Variants in PTPRT observed in about 807,000 individuals in gnomAD.
PTPRT encodes receptor-type tyrosine-protein phosphatase T.
PTPRT carries 56 observed loss-of-function variants against 176.8 expected under a neutral mutation model. That is an observed-to-expected ratio of 0.32 (90% CI 0.26 to 0.40). PTPRT has a LOEUF of 0.40. Ranked by LOEUF, PTPRT falls within the 10% of genes least tolerant of loss-of-function variation. PTPRT has a pLI of 1.00. For synonymous variants in PTPRT, 783 were observed against 739.0 expected (o/e 1.06, Z -0.96); for missense variants, 1,540 against 1,908.2 (o/e 0.81, Z 3.60).
chr20:42,773,401 A>G (rs1430186213), intron 4 of PTPRT, among the ~76,000 whole-genome samples: 2 of 152,080 alleles, frequency 1.3e-5, no homozygotes, highest in African/African-American at 4.8e-5. Flanking sequence ...AGGACTTTAC[A>G]CGTCATATCT....
intron 7 of PTPRT, among the ~76,000 whole-genome samples, chr20:42,614,096 G>T (rs2074021905): frequency 2.6e-5 from 4 of 152,116 alleles, no homozygotes; most frequent in African/African-American, 7.2e-5. Context: ...GGCTGTGAAA[G>T]AATCTGTTCC....
chr20:42,566,625 G>C (rs948692612), intron 7 of PTPRT, among the ~76,000 whole-genome samples: 1 of 152,172 alleles, frequency 6.6e-6, no homozygotes, highest in African/African-American at 2.4e-5. Context: ...AAATGAGCAG[G>C]ACAAACTTGG....
chr20:42,673,138 C>A (rs1851140456), intron 7 of PTPRT, among the ~76,000 whole-genome samples: 1 of 152,136 alleles, frequency 6.6e-6, no homozygotes, highest in South Asian at 2.1e-4. Flanking sequence ...TCCATCAAGT[C>A]CTGTGGTGAA....
At chr20:42,952,973 A>AGCAAAGG (rs1600588744) in intron 1 of PTPRT, among the ~76,000 whole-genome samples, 3 of 152,370 alleles carry the variant, frequency 2.0e-5, no homozygotes, top group East Asian at 3.9e-4. Flanking sequence ...TTGTAGACAC[A>AGCAAAGG]GATCTGAACG....
chr20:43,034,873 T>C (rs1986310483), intron 1 of PTPRT, among the ~76,000 whole-genome samples: 1 of 151,984 alleles, frequency 6.6e-6, no homozygotes. Context: ...GGGGTCCCTG[T>C]CTGTCCCCAC....
chr20:43,004,509 C>A (rs1474061801), intron 1 of PTPRT, among the ~76,000 whole-genome samples: 4 of 152,128 alleles, frequency 2.6e-5, no homozygotes, highest in Admixed American at 2.6e-4. Context: ...AAATTAATAT[C>A]CTGAGTCAAC....
At chr20:42,778,954 T>C (rs115395932) in intron 4 of PTPRT, among the ~76,000 whole-genome samples, 1 of 152,104 alleles carries the variant, frequency 6.6e-6, no homozygotes, top group Non-Finnish European at 1.5e-5. Context: ...AAGAGCCCAG[T>C]AGCATCTCAG....
chr20:42,757,486 T>C (rs926735285), intron 5 of PTPRT, among the ~76,000 whole-genome samples: 1 of 152,164 alleles, frequency 6.6e-6, no homozygotes, highest in Admixed American at 6.5e-5. Flanking sequence ...CATGCTCTTT[T>C]CTCTGCCTGG....
intron 24 of PTPRT, among the ~76,000 whole-genome samples, chr20:42,106,202 C>T (rs372567487): frequency 6.6e-6 from 1 of 152,182 alleles, no homozygotes; most frequent in Non-Finnish European, 1.5e-5. Context: ...CTGCCTGGCT[C>T]ACAGTAGGTA....
intron 5 of PTPRT, among the ~76,000 whole-genome samples, chr20:42,770,890 T>A (rs2077052704): frequency 6.6e-6 from 1 of 152,164 alleles, no homozygotes; most frequent in Non-Finnish European, 1.5e-5. Flanking sequence ...TATAAAATGG[T>A]TATACCAATG....
intron 4 of PTPRT, among the ~76,000 whole-genome samples, chr20:42,777,628 G>A (rs974727459): frequency 3.3e-5 from 5 of 152,212 alleles, no homozygotes; most frequent in East Asian, 1.9e-4. Flanking sequence ...TACAAGGACC[G>A]AACCTTTCTT....
At chr20:42,651,046 C>A (rs62203853) in intron 7 of PTPRT, among the ~76,000 whole-genome samples, 25,498 of 151,648 alleles carry the variant, frequency 0.17, 2,471 homozygotes, top group East Asian at 0.3. Flanking sequence ...AATAAAGTAG[C>A]CTTTAGTTTA....
chr20:43,183,480 TA>T (rs2015316753), intron 1 of PTPRT, among the ~76,000 whole-genome samples: 1 of 152,198 alleles, frequency 6.6e-6, no homozygotes, highest in South Asian at 2.1e-4. Flanking sequence ...GATTTACACA[TA>T]AGTCTAACTT....
chr20:43,066,527 C>T (rs2011113365), intron 1 of PTPRT, among the ~76,000 whole-genome samples: 1 of 152,156 alleles, frequency 6.6e-6, no homozygotes, highest in African/African-American at 2.4e-5. Flanking sequence ...AAACCCAGGC[C>T]TCATCTGAAG....
intron 7 of PTPRT, among the ~76,000 whole-genome samples, chr20:42,605,467 G>A (rs1004034837): frequency 4.6e-5 from 7 of 152,168 alleles, no homozygotes; most frequent in African/African-American, 7.2e-5. Context: ...AGACGTCTCC[G>A]CAGAAAGGTC....
At chr20:43,099,206 T>C (rs6030646) in intron 1 of PTPRT, among the ~76,000 whole-genome samples, 20,465 of 151,984 alleles carry the variant, frequency 0.13, 1,420 homozygotes, top group South Asian at 0.17. Flanking sequence ...ATACCCCAGG[T>C]TCAGAAAAGA....
intron 16 of PTPRT, among the ~76,000 whole-genome samples, chr20:42,173,434 G>A (rs1352204374): frequency 6.6e-6 from 1 of 151,986 alleles, no homozygotes; most frequent in African/African-American, 2.4e-5. Context: ...AAACATCTAG[G>A]TATAATTTTG....
At chr20:42,188,847 ACTGAGGT>A (rs1224726293) in intron 16 of PTPRT, among the ~76,000 whole-genome samples, 1 of 152,182 alleles carries the variant, frequency 6.6e-6, no homozygotes, top group Non-Finnish European at 1.5e-5. Context: ...TTGTAACTTT[ACTGAGGT>A]CTCTTTGAAA....
the PTPRT span, among the ~76,000 whole-genome samples, chr20:42,052,028 A>G: frequency 6.6e-6 from 1 of 152,158 alleles, no homozygotes; most frequent in South Asian, 2.1e-4. Flanking sequence ...GTTTCAAATC[A>G]TTTCTAAGTA....
Sources: gnomAD v4.1 joint callset for allele counts (sites outside exome capture counted in the v4.1 genomes callset) on GRCh38, gnomAD v4.1.1 for gene constraint, MANE v1.5 for transcripts, NCBI Gene and HGNC (gene_info 2026-07-23, HGNC 2026-07-21) for gene names.